Variants in PARVA observed in about 807,000 individuals in gnomAD.
The protein encoded by PARVA is alpha-parvin.
PARVA carries 25 observed loss-of-function variants against 52.6 expected under a neutral mutation model. The observed-to-expected ratio is 0.48, with a 90% CI of 0.35 to 0.66. The LOEUF is 0.66. Ranked by LOEUF, PARVA falls within the 30% of genes least tolerant of loss-of-function variation. PARVA has a pLI of 0.01. For missense variants in PARVA, 373 were observed against 450.9 expected (o/e 0.83, Z 1.56); for synonymous variants, 185 against 179.1 (o/e 1.03, Z -0.26).
At position 12,531,751 on chromosome 11, in the gene PARVA, A is replaced by C. The variant is rs546575604; in HGVS notation, c.*3826A>C. Among the ~76,000 whole-genome samples the C allele has an allele frequency of 8.6e-5, 13 of 151,936 alleles. No homozygotes were observed. Among genetic ancestry groups the C allele is most frequent in the African/African-American group, 1.9e-4 (8 of 41,416 alleles). ...TCCAAGATTGCGTGTCATTTCCCCC[A>C]AAAATTTGCTTAACTCTATTGGAAA... On this transcript the variant is annotated 3_prime_UTR_variant, in exon 13 of 13. Transcript: ENST00000334956.
chr11:12,508,659 G>T lies in PARVA; in HGVS notation c.716+17G>T, dbSNP rs1350089615. 2.5e-6 allele frequency: 4 copies of T among 1,573,238 alleles called. No individual in the cohort carries two copies. The highest frequency in any genetic ancestry group is 3.5e-6 in the Non-Finnish European group (4 of 1,146,426). On this transcript the variant is annotated intron_variant, in intron 7 of 12. Coordinates refer to ENST00000334956, the MANE Select transcript of PARVA (RefSeq NM_018222.5). ...TAACACAGAGTATGTCAACACCATT[G>T]TTGCCAGCGATTCTGTAATGGAACA...
intron 1 of PARVA, among the ~76,000 whole-genome samples, chr11:12,451,569 T>C (rs1016830984): frequency 6.6e-6 from 1 of 152,094 alleles, no homozygotes; most frequent in African/African-American, 2.4e-5. Flanking sequence ...GGAGGTATAA[T>C]ATGATTATGA....
chr11:12,513,375 C>T lies in PARVA; in HGVS notation c.798+15C>T, dbSNP rs552880702. ...TGGTGAAAAAGGTGGGAAAGGGGTG[C>T]CTGGGATGGACAGAGGGAAGCGAGA... On this transcript the variant is annotated intron_variant, in intron 9 of 12. Coordinates refer to ENST00000334956, the MANE Select transcript of PARVA (RefSeq NM_018222.5). 2.8e-5 allele frequency: 45 copies of T among 1,610,326 alleles called. No homozygotes were observed. In the Admixed American group the frequency reaches 7.3e-4, roughly 26 times the overall value.
chr11:12,431,729 G>A (rs1451403045), intron 1 of PARVA, among the ~76,000 whole-genome samples: 2 of 152,360 alleles, frequency 1.3e-5, no homozygotes, highest in East Asian at 3.9e-4. Flanking sequence ...ATGGCCCTGA[G>A]GCCAGTGCCA....
At chr11:12,413,346 C>A (rs1297194840) in intron 1 of PARVA, among the ~76,000 whole-genome samples, 1 of 152,060 alleles carries the variant, frequency 6.6e-6, no homozygotes, top group Non-Finnish European at 1.5e-5. Context: ...TGACTGTGCT[C>A]CAGGGGAAGG....
chr11:12,513,157 C>G lies in PARVA; in HGVS notation c.737-142C>G, dbSNP rs1352443606. On this transcript the variant is annotated intron_variant, in intron 8 of 12. Coordinates refer to ENST00000334956, the MANE Select transcript of PARVA (RefSeq NM_018222.5). The stretch of plus-strand genomic sequence containing the variant: ...TAGCCCCAAATCACATTCCAGAGTT[C>G]CCGGCACAGTCTATACCCCAGAGGC... 4 of 774,444 alleles carry G rather than the reference C, an allele frequency of 5.2e-6. No homozygotes were observed. The East Asian group carries it at 7.3e-5, about 14-fold the overall frequency. 48.0% of individuals were successfully genotyped at this position (774,444 alleles called of 1,614,324 possible).
intron 4 of PARVA, among the ~76,000 whole-genome samples, chr11:12,489,318 GAACT>G (rs1941202588): frequency 1.3e-5 from 2 of 151,940 alleles, no homozygotes; most frequent in Non-Finnish European, 2.9e-5. Flanking sequence ...CAACCAAATA[GAACT>G]TCTAGAAATG....
chr11:12,421,244 C>A (rs1363167598), intron 1 of PARVA, among the ~76,000 whole-genome samples: 1 of 152,044 alleles, frequency 6.6e-6, no homozygotes. Flanking sequence ...TTAGAAATAT[C>A]TCTGCCCAAA....
At position 12,406,661 on chromosome 11, in the gene PARVA, G is replaced by GTTTTTTTTTTTTTTTTTTTTTTTTT. The variant is rs571973101; in HGVS notation, c.136+28881_136+28905dup. On this transcript the variant is annotated intron_variant, in intron 1 of 12. Coordinates refer to ENST00000334956, the MANE Select transcript of PARVA (RefSeq NM_018222.5). ...ATTGTTAGCTATTTAGGTTGTATCT[G>GTTTTTTTTTTTTTTTTTTTTTTTTT]TTTTTTTTTTTTTTTTTTTTTTTTT... Among the ~76,000 whole-genome samples the GTTTTTTTTTTTTTTTTTTTTTTTTT allele has an allele frequency of 5.5e-4, 43 of 77,792 alleles. 5 individuals carry two copies. Among genetic ancestry groups the GTTTTTTTTTTTTTTTTTTTTTTTTT allele is most frequent in the African/African-American group, 1.2e-3 (22 of 18,484 alleles). The allele number at this position is 77,792 out of a possible 152,430, so 51.0% of individuals were successfully genotyped here.
chr11:12,518,390 G>GTCCTGGGGC (rs1941597046), intron 11 of PARVA, 55 bp from the exon 12 acceptor site: 1 of 1,371,730 alleles, frequency 7.3e-7, no homozygotes, highest in African/African-American at 1.4e-5. Flanking sequence ...CCAGGGCCAG[G>GTCCTGGGGC]TCCTGGGGCT....
At chr11:12,453,169 G>T in intron 1 of PARVA, 1 of 374,972 alleles carries the variant, frequency 2.7e-6, no homozygotes, top group Non-Finnish European at 5.5e-6. Flanking sequence ...CATTTGAAGG[G>T]TTTTTATATC....
At position 12,534,048 on chromosome 11, in the gene PARVA, A is replaced by T. The variant is rs1444210760; in HGVS notation, c.*6123A>T. Among the ~76,000 whole-genome samples the T allele has an allele frequency of 1.3e-5, 2 of 152,210 alleles. No homozygotes were observed. The highest frequency in any genetic ancestry group is 1.9e-4 in the East Asian group (1 of 5,174). Reference sequence around the variant, plus strand: ...CCAGGTGTGGTGGTGCGTGCCTGTAATCCCAGCTACTCAGGGGGCTGAGGC... The same window carrying T: ...CCAGGTGTGGTGGTGCGTGCCTGTATTCCCAGCTACTCAGGGGGCTGAGGC... On this transcript the variant is annotated 3_prime_UTR_variant, in exon 13 of 13. Coordinates refer to ENST00000334956, the MANE Select transcript of PARVA (RefSeq NM_018222.5).
intron 7 of PARVA, among the ~76,000 whole-genome samples, chr11:12,508,991 T>C (rs1941469609): frequency 6.6e-6 from 1 of 152,190 alleles, no homozygotes; most frequent in African/African-American, 2.4e-5. Context: ...AAGGACGTTT[T>C]TCTTCCTTTT....
At chr11:12,411,139 T>C (rs72632963) in intron 1 of PARVA, among the ~76,000 whole-genome samples, 11,654 of 152,282 alleles carry the variant, frequency 0.077, 871 homozygotes, top group East Asian at 0.28. Context: ...TTATAAAGCT[T>C]ATCAGTGACA....
chr11:12,507,930 T>C (rs555256350), intron 6 of PARVA, among the ~76,000 whole-genome samples: 64 of 151,792 alleles, frequency 4.2e-4, no homozygotes, highest in African/African-American at 1.5e-3. Flanking sequence ...ATTAATGAAA[T>C]AAACAAGAAA....
rs1369147914 is a variant in PARVA at position 12,513,909 on chromosome 11, C to A, written c.799-88C>A. 2.5e-6 allele frequency: 3 copies of A among 1,204,008 alleles called. No individual in the cohort carries two copies. In the East Asian group the frequency reaches 7.1e-5, roughly 29 times the overall value. 74.6% of individuals were successfully genotyped at this position (1,204,008 alleles called of 1,614,324 possible). A position where few individuals can be genotyped will look rare whatever the true frequency, so the allele number is the denominator to read the frequency against. ...CCTGATCCTCTGCTTTCACCCTCAC[C>A]CTTGCCCTCACGGGAGTCACGGAGC... On this transcript the variant is annotated intron_variant, in intron 9 of 12. Transcript: ENST00000334956.
At chr11:12,474,983 G>C (rs7935861) in intron 3 of PARVA, among the ~76,000 whole-genome samples, 34,053 of 151,506 alleles carry the variant, frequency 0.22, 5,329 homozygotes, top group African/African-American at 0.45. Flanking sequence ...CTGGATGTCA[G>C]AGTGATTCAT....
chr11:12,415,032 C>T, intron 1 of PARVA, among the ~76,000 whole-genome samples: 1 of 152,208 alleles, frequency 6.6e-6, no homozygotes, highest in East Asian at 1.9e-4. Context: ...AGCCTGGGCA[C>T]TGGTGGGCTG....
chr11:12,479,455 C>T (rs970866610), intron 4 of PARVA: 3 of 152,102 alleles, frequency 2.0e-5, no homozygotes, highest in Non-Finnish European at 4.4e-5. Context: ...GGGCATGTAC[C>T]ATCATGCCCA....
Sources: gnomAD v4.1 joint callset for allele counts (sites outside exome capture counted in the v4.1 genomes callset) on GRCh38, gnomAD v4.1.1 for gene constraint, MANE v1.5 for transcripts, NCBI Gene and HGNC (gene_info 2026-07-23, HGNC 2026-07-21) for gene names.